The following SIPA1L1 variants were observed in gnomAD, a reference collection of about 807,000 sequenced individuals.
The protein encoded by SIPA1L1 is signal induced proliferation associated 1 like 1.
SIPA1L1 carries 26 observed loss-of-function variants against 162.7 expected under a neutral mutation model. That is an observed-to-expected ratio of 0.16 (90% CI 0.12 to 0.22). SIPA1L1 has a LOEUF of 0.22. Among genes scored for constraint, SIPA1L1 ranks in the 10% least tolerant of loss-of-function variants. SIPA1L1 has a pLI of 1.00. For missense variants in SIPA1L1, 1,874 were observed against 2,241.0 expected (o/e 0.84, Z 3.31); for synonymous variants, 829 against 837.4 (o/e 0.99, Z 0.17).
In SIPA1L1 at chr14:71,588,673, A is replaced by G; in HGVS notation, c.801A>G (p.Ser267=). The stretch of plus-strand genomic sequence containing the variant: ...TGGATGTAATAGACGGGCCTATCTC[A>G]CAGAGAGAGAACCTCAGGCTTTTTA... ...FSLDVIDGPI[S]QRENLRLFKE... is the part of the protein sequence containing the mutation. The change falls in exon 5 of 24, where the codon TCA becomes TCG. Residue 267 remains serine, a synonymous_variant. Coordinates refer to ENST00000381232, the MANE Select transcript of SIPA1L1 (RefSeq NM_001386936.1). The surrounding 1 kb of genome is among the most constrained non-coding windows in gnomAD (Gnocchi z 4.3). 1 of 1,613,718 alleles carries G rather than the reference A, an allele frequency of 6.2e-7. No homozygotes were observed. The highest frequency in any genetic ancestry group is 8.5e-7 in the Non-Finnish European group (1 of 1,179,676).
At chr14:71,496,883 G>T (rs1275425139) in intron 2 of SIPA1L1, among the ~76,000 whole-genome samples, 1 of 152,076 alleles carries the variant, frequency 6.6e-6, no homozygotes, top group Non-Finnish European at 1.5e-5. Flanking sequence ...CTTTAAAAAT[G>T]ATCCTGGGCT....
At chr14:71,575,117 T>A (rs183532590) in intron 4 of SIPA1L1, 1 of 152,366 alleles carries the variant, frequency 6.6e-6, no homozygotes, top group Non-Finnish European at 1.5e-5. Context: ...CCAGCATTTT[T>A]ACATCAGCTT....
At chr14:71,700,825 T>C (rs1430731910) in intron 14 of SIPA1L1, among the ~76,000 whole-genome samples, 2 of 151,726 alleles carry the variant, frequency 1.3e-5, no homozygotes, top group Non-Finnish European at 2.9e-5. Flanking sequence ...AAACCTCTTC[T>C]CTACTAAAAA....
At chr14:71,567,881 C>T (rs1373419006) in intron 4 of SIPA1L1, among the ~76,000 whole-genome samples, 2 of 152,184 alleles carry the variant, frequency 1.3e-5, no homozygotes, top group East Asian at 1.9e-4. Flanking sequence ...CTGAGGGTTC[C>T]TCCCCTTTTT....
At chr14:71,444,278 C>A (rs961422220) in intron 2 of SIPA1L1, among the ~76,000 whole-genome samples, 1 of 152,190 alleles carries the variant, frequency 6.6e-6, no homozygotes, top group Non-Finnish European at 1.5e-5. Flanking sequence ...AGCTACAGCC[C>A]TTCCCACCTC....
chr14:71,390,219 C>T (rs1182416079), intron 2 of SIPA1L1, among the ~76,000 whole-genome samples: 1 of 152,088 alleles, frequency 6.6e-6, no homozygotes, highest in East Asian at 1.9e-4. Context: ...AAATATTTTC[C>T]CCTCTGATTA....
At chr14:71,563,102 A>G (rs746606803) in intron 4 of SIPA1L1, among the ~76,000 whole-genome samples, 3 of 152,194 alleles carry the variant, frequency 2.0e-5, no homozygotes, top group Non-Finnish European at 4.4e-5. Context: ...TAAGAATAAT[A>G]CCTGGCGTAG....
At chr14:71,604,831 T>G (rs1487437553) in intron 5 of SIPA1L1, among the ~76,000 whole-genome samples, 1 of 152,178 alleles carries the variant, frequency 6.6e-6, no homozygotes, top group Non-Finnish European at 1.5e-5. Context: ...GTCTTTGGCT[T>G]TTGATGGTTT....
intron 2 of SIPA1L1, among the ~76,000 whole-genome samples, chr14:71,481,297 G>A (rs372472001): frequency 7.2e-5 from 11 of 152,192 alleles, no homozygotes; most frequent in African/African-American, 2.6e-4. Flanking sequence ...TGGGCAACAT[G>A]GCAAAACCCT....
intron 8 of SIPA1L1, among the ~76,000 whole-genome samples, chr14:71,656,027 A>G (rs550803209): frequency 2.0e-5 from 3 of 152,252 alleles, no homozygotes; most frequent in South Asian, 2.1e-4. Flanking sequence ...GGATTTTGGA[A>G]TTCTTTTCTT....
At chr14:71,737,298 C>T (rs746750380) in intron 22 of SIPA1L1, among the ~76,000 whole-genome samples, 2 of 152,088 alleles carry the variant, frequency 1.3e-5, no homozygotes, top group Non-Finnish European at 1.5e-5. Flanking sequence ...CCTTTTACTC[C>T]GTGACCTAGA....
chr14:71,597,337 A>T lies in SIPA1L1; in HGVS notation c.1498+7967A>T, dbSNP rs527749637. 1.1e-3 allele frequency among the ~76,000 whole-genome samples: 172 copies of T among 151,858 alleles called. 1 individual carries two copies. Among genetic ancestry groups the T allele is most frequent in the Non-Finnish European group, 1.8e-3 (120 of 67,918 alleles). On this transcript the variant is annotated intron_variant, in intron 5 of 23. Coordinates refer to ENST00000381232, the MANE Select transcript of SIPA1L1 (RefSeq NM_001386936.1). Reference sequence around the variant, plus strand: ...ATATAACCTCCCCTCCCATTTCTCTATTGGTATTAATTAAGATTTTTTTCT... The same window carrying T: ...ATATAACCTCCCCTCCCATTTCTCTTTTGGTATTAATTAAGATTTTTTTCT...
rs1208681411 is a variant in SIPA1L1, at chr14:71,651,326, TATAGTAATCTCTCTG to T, written c.1993+820_1993+834del. Among the ~76,000 whole-genome samples the T allele has an allele frequency of 3.9e-5, 6 of 152,340 alleles. No individual in the cohort carries two copies. In the East Asian group the frequency reaches 7.7e-4, roughly 20 times the overall value. Reference sequence around the variant, plus strand: ...GGATTAGCACATCTGTATTGCAGTCTATAGTAATCTCTCTGATTTTCTGTACAGGAAATTAAATAA... The same window carrying T: ...GGATTAGCACATCTGTATTGCAGTCTATTTTCTGTACAGGAAATTAAATAA... On this transcript the variant is annotated intron_variant, in intron 8 of 23. Coordinates refer to ENST00000381232, the MANE Select transcript of SIPA1L1 (RefSeq NM_001386936.1).
intron 2 of SIPA1L1, among the ~76,000 whole-genome samples, chr14:71,367,306 T>G (rs1388016563): frequency 6.9e-6 from 1 of 143,894 alleles, no homozygotes; most frequent in Non-Finnish European, 1.5e-5. Flanking sequence ...TTCATTGCTT[T>G]TTTTTTTTTT....
At chr14:71,708,029 GTT>G (rs58827391) in intron 16 of SIPA1L1, among the ~76,000 whole-genome samples, 1,632 of 82,102 alleles carry the variant, frequency 0.02, 14 homozygotes, top group Middle Eastern at 0.098. Context: ...TTTTTTTTTT[GTT>G]TTTTTTTTTT....
chr14:71,623,559 G>A (rs1315328949), intron 6 of SIPA1L1, among the ~76,000 whole-genome samples: 1 of 152,122 alleles, frequency 6.6e-6, no homozygotes, highest in Non-Finnish European at 1.5e-5. Context: ...AGCAGCATTT[G>A]GTAATATGAA....
chr14:71,737,745 T>C (rs962726457), intron 22 of SIPA1L1, among the ~76,000 whole-genome samples: 1 of 152,192 alleles, frequency 6.6e-6, no homozygotes, highest in African/African-American at 2.4e-5. Context: ...GTAGGCATGA[T>C]ACCTTAGCTG....
chr14:71,608,993 T>G (rs1304536678), intron 5 of SIPA1L1, among the ~76,000 whole-genome samples: 1 of 152,180 alleles, frequency 6.6e-6, no homozygotes, highest in Non-Finnish European at 1.5e-5. Flanking sequence ...AATAAATTTT[T>G]GGGAATGCTA....
At chr14:71,697,687 A>G (rs548985660) in intron 13 of SIPA1L1, among the ~76,000 whole-genome samples, 1 of 152,184 alleles carries the variant, frequency 6.6e-6, no homozygotes, top group African/African-American at 2.4e-5. Flanking sequence ...GCATGGATTA[A>G]TTTGGGAGTT....
Sources: allele counts gnomAD v4.1 joint callset (sites outside exome capture counted in the v4.1 genomes callset), GRCh38; gene constraint gnomAD v4.1.1; non-coding constraint Gnocchi (gnomAD v3.1); transcripts MANE v1.5; gene names NCBI Gene and HGNC (gene_info 2026-07-23, HGNC 2026-07-21).